The following NPTN variants were observed in gnomAD, a reference collection of about 807,000 sequenced individuals.
The protein encoded by NPTN is neuroplastin.
A neutral mutation model predicts 42.7 loss-of-function variants in NPTN; 5 were observed. The observed-to-expected ratio is 0.12, with a 90% CI of 0.06 to 0.25. The LOEUF (loss-of-function observed/expected upper bound fraction) is 0.25. Among genes scored for constraint, NPTN ranks in the 10% least tolerant of loss-of-function variants. NPTN has a pLI of 1.00. For synonymous variants in NPTN, 180 were observed against 201.9 expected (o/e 0.89, Z 0.92); for missense variants, 307 against 525.4 (o/e 0.58, Z 4.06).
intron 1 of NPTN, among the ~76,000 whole-genome samples, chr15:73,622,128 G>A (rs929072246): frequency 6.6e-6 from 1 of 152,196 alleles, no homozygotes; most frequent in East Asian, 1.9e-4. Context: ...TCCAGCCTGG[G>A]TGACAGAGTG....
At position 73,563,242 on chromosome 15, in the gene NPTN, C is replaced by T. The variant is rs764069802; in HGVS notation, c.1130G>A (p.Gly377Glu). The change falls in exon 7 of 9, where the codon GGA (glycine) becomes GAA (glutamate). Residue 377 changes from glycine to glutamate, a missense_variant. Physicochemically the swap from Gly to Glu is moderately conservative, Grantham distance 98. Transcript: ENST00000345330. ...TGTCCAATAAAGTACTTACATTGGTCCAGCTGGTTCATCATCTACATGGTG... is the reference window on the plus strand; with the variant it reads ...TGTCCAATAAAGTACTTACATTGGTTCAGCTGGTTCATCATCTACATGGTG... Reference protein sequence around the residue: ...DEVPDDDEPAGPMKTNSTNNH... With the variant: ...DEVPDDDEPAEPMKTNSTNNH... 6.2e-7 allele frequency: 1 copy of T among 1,600,802 alleles called. No homozygotes were observed. The highest frequency in any genetic ancestry group is 8.6e-7 in the Non-Finnish European group (1 of 1,168,086).
intron 1 of NPTN, among the ~76,000 whole-genome samples, chr15:73,620,444 C>T (rs1595967408): frequency 6.6e-6 from 1 of 152,272 alleles, no homozygotes; most frequent in East Asian, 1.9e-4. Context: ...TTGGAAATTT[C>T]TCTATTTTTG....
At position 73,570,129 on chromosome 15, in the gene NPTN, A is replaced by AT; in HGVS notation, c.1114+20dup. ...AGGAACCAACCCCAGCAGTACAGCT[A>AT]TTTTGTAGGGATGCTCTTACCGTCA... On this transcript the variant is annotated intron_variant, in intron 6 of 8. Coordinates refer to ENST00000345330, the MANE Select transcript of NPTN (RefSeq NM_012428.4). The surrounding 1 kb of genome is among the most constrained non-coding windows in gnomAD (Gnocchi z 4.0). The AT allele has an allele frequency of 6.3e-7, 1 of 1,584,464 alleles. No homozygotes were observed. Among genetic ancestry groups the AT allele is most frequent in the South Asian group, 1.2e-5 (1 of 86,266 alleles).
chr15:73,592,589 T>C (rs1896646409), intron 2 of NPTN, among the ~76,000 whole-genome samples: 1 of 152,166 alleles, frequency 6.6e-6, no homozygotes, highest in South Asian at 2.1e-4. Flanking sequence ...ACATAATACA[T>C]GTATAGCTTT....
intron 6 of NPTN, 51 bp from the exon 7 acceptor site, chr15:73,563,308 G>A: frequency 1.9e-6 from 3 of 1,609,070 alleles, no homozygotes; most frequent in South Asian, 2.2e-5. Context: ...GAGAAGAAAG[G>A]AGAAAACTGT....
Position 73,597,411 on chromosome 15 carries a change from GA to G in NPTN, c.92-43del, listed in dbSNP as rs200463196. ...CAGGAATGCAGTGACAGGCCAATCAGAAAAAAAAAAAAGAATCAACAGGTGT... is the reference window on the plus strand; with the variant it reads ...CAGGAATGCAGTGACAGGCCAATCAGAAAAAAAAAAAGAATCAACAGGTGT... On this transcript the variant is annotated intron_variant, in intron 1 of 8. Coordinates refer to ENST00000345330, the MANE Select transcript of NPTN (RefSeq NM_012428.4). This position sits in a 1 kb window ranked among gnomAD's most constrained non-coding sequence, Gnocchi z 6.3. The G allele has an allele frequency of 0.096, 81,334 of 848,712 alleles. 1 individual carries two copies. Among genetic ancestry groups the G allele is most frequent in the South Asian group, 0.13 (6,021 of 46,856 alleles). The allele number at this position is 848,712 out of a possible 1,614,324, so 52.6% of individuals were successfully genotyped here.
rs550826756 is a variant in NPTN, at chr15:73,623,902, T to C, written c.91+9223A>G. On this transcript the variant is annotated intron_variant, in intron 1 of 8. Coordinates refer to ENST00000345330, the MANE Select transcript of NPTN (RefSeq NM_012428.4). ...GCAAATAACTCTATTCTTCCGCTAG[T>C]TTCATTAAAATCATCTTAATACTAA... is the stretch of plus-strand genomic sequence containing the variant. 7.2e-5 allele frequency among the ~76,000 whole-genome samples: 11 copies of C among 152,312 alleles called. No individual in the cohort carries two copies. In the East Asian group the frequency reaches 2.1e-3, roughly 29 times the overall value.
chr15:73,592,523 A>T (rs1313313696), intron 2 of NPTN, among the ~76,000 whole-genome samples: 9 of 152,200 alleles, frequency 5.9e-5, no homozygotes, highest in Non-Finnish European at 1.2e-4. Context: ...TATCATTTAT[A>T]TACCTATTAT....
chr15:73,602,413 T>TCA (rs1023585962), intron 1 of NPTN, among the ~76,000 whole-genome samples: 1 of 152,112 alleles, frequency 6.6e-6, no homozygotes, highest in African/African-American at 2.4e-5. Context: ...TCTGTCTCTC[T>TCA]CACACACACA....
chr15:73,613,148 A>C (rs958169779), intron 1 of NPTN, among the ~76,000 whole-genome samples: 1 of 152,212 alleles, frequency 6.6e-6, no homozygotes, highest in South Asian at 2.1e-4. Context: ...TAAACTTCCA[A>C]TTCTAAATAC....
At chr15:73,582,085 C>T (rs948554446) in intron 4 of NPTN, among the ~76,000 whole-genome samples, 2 of 152,148 alleles carry the variant, frequency 1.3e-5, no homozygotes, top group African/African-American at 4.8e-5. Context: ...GTGATCTGCC[C>T]GTCTTGGCCT....
At chr15:73,584,660 C>T (rs710086) in intron 4 of NPTN, among the ~76,000 whole-genome samples, 53,784 of 151,164 alleles carry the variant, frequency 0.36, 11,225 homozygotes, top group Admixed American at 0.45. Context: ...ACCGGCCCTG[C>T]TCCATCTTCC....
At chr15:73,620,342 G>C (rs1352455018) in intron 1 of NPTN, among the ~76,000 whole-genome samples, 3 of 152,188 alleles carry the variant, frequency 2.0e-5, no homozygotes, top group Non-Finnish European at 4.4e-5. Context: ...TAGGGACTAA[G>C]TACTATAATC....
At chr15:73,581,438 G>C (rs988750701) in intron 4 of NPTN, among the ~76,000 whole-genome samples, 2 of 152,162 alleles carry the variant, frequency 1.3e-5, no homozygotes, top group Admixed American at 6.5e-5. Flanking sequence ...CCTTAGAAGA[G>C]AGTTCTGATC....
chr15:73,563,973 G>A lies in NPTN; in HGVS notation c.1115-716C>T, dbSNP rs564693773. Among the ~76,000 whole-genome samples, 5 of 152,274 alleles carry A rather than the reference G, an allele frequency of 3.3e-5. No homozygotes were observed. In the East Asian group the frequency reaches 9.6e-4, roughly 29 times the overall value. ...AAGACAGGCTCACTCCTGTGCCCTG[G>A]CCAAAACCAGAAGCCAAACCCAGGG... On this transcript the variant is annotated intron_variant, in intron 6 of 8. Coordinates refer to ENST00000345330, the MANE Select transcript of NPTN (RefSeq NM_012428.4).
chr15:73,609,454 C>A (rs1375786387), intron 1 of NPTN, among the ~76,000 whole-genome samples: 1 of 152,134 alleles, frequency 6.6e-6, no homozygotes, highest in Admixed American at 6.5e-5. Context: ...CATGGTGAAA[C>A]CCCGTCTCTA....
Position 73,569,104 on chromosome 15 carries a change from G to A in NPTN, c.1114+1046C>T, listed in dbSNP as rs928413813. The A allele has an allele frequency of 3.8e-5, 37 of 985,612 alleles. No individual in the cohort carries two copies. In the South Asian group the frequency reaches 6.1e-4, roughly 16 times the overall value. 61.1% of individuals were successfully genotyped at this position (985,612 alleles called of 1,614,324 possible). A position where few individuals can be genotyped will look rare whatever the true frequency, so the allele number is the denominator to read the frequency against. On this transcript the variant is annotated intron_variant, in intron 6 of 8. Coordinates refer to ENST00000345330, the MANE Select transcript of NPTN (RefSeq NM_012428.4). This position sits in a 1 kb window ranked among gnomAD's most constrained non-coding sequence, Gnocchi z 4.1. ...CAGCTGGCAACCCCACCATCACCCC[G>A]GGTAGGCTACCACTGAGCCCAGGGG...
intron 6 of NPTN, among the ~76,000 whole-genome samples, chr15:73,563,816 C>T (rs1052057157): frequency 2.6e-5 from 4 of 152,170 alleles, no homozygotes; most frequent in Admixed American, 6.5e-5. Context: ...GAGGCAATCA[C>T]AATAGTTCAA....
At chr15:73,562,428 C>T (rs909216149) in intron 7 of NPTN, among the ~76,000 whole-genome samples, 18 of 152,158 alleles carry the variant, frequency 1.2e-4, no homozygotes, top group East Asian at 9.6e-4. Flanking sequence ...ACTTTCCCTT[C>T]GAATCCGGAA....
Sources: gnomAD v4.1 joint callset for allele counts (sites outside exome capture counted in the v4.1 genomes callset) on GRCh38, gnomAD v4.1.1 for gene constraint, Gnocchi (gnomAD v3.1) non-coding constraint, MANE v1.5 for transcripts, NCBI Gene and HGNC (gene_info 2026-07-23, HGNC 2026-07-21) for gene names.